Variants in AVL9 observed in about 807,000 individuals in gnomAD.
AVL9 encodes AVL9 cell migration associated, also known as late secretory pathway protein AVL9 homolog.
A neutral mutation model predicts 79.2 loss-of-function variants in AVL9; 49 were observed. That is an observed-to-expected ratio of 0.62 (90% confidence interval 0.49 to 0.79). The LOEUF is 0.79. AVL9 is among the 30% of genes least tolerant of loss of function. AVL9 has a pLI of 0.00. For missense variants in AVL9, 682 were observed against 776.8 expected (o/e 0.88, Z 1.45); for synonymous variants, 299 against 280.6 (o/e 1.07, Z -0.65).
At chr7:32,528,781 C>T (rs887162163) in intron 1 of AVL9, among the ~76,000 whole-genome samples, 15 of 152,100 alleles carry the variant, frequency 9.9e-5, no homozygotes, top group African/African-American at 3.1e-4. Context: ...GAGGCTGAGG[C>T]GGGCAGATCA....
At chr7:32,520,399 G>A (rs1035090655) in intron 1 of AVL9, among the ~76,000 whole-genome samples, 5 of 152,078 alleles carry the variant, frequency 3.3e-5, no homozygotes, top group African/African-American at 7.2e-5. Context: ...ATTGATGCAC[G>A]ACCCACAGCT....
At chr7:32,555,699 C>T (rs916053245) in intron 8 of AVL9, among the ~76,000 whole-genome samples, 1 of 152,188 alleles carries the variant, frequency 6.6e-6, no homozygotes, top group South Asian at 2.1e-4. Flanking sequence ...AGTTCACCAG[C>T]CTTTGGTTTA....
Position 32,572,409 on chromosome 7 carries a change from G to A in AVL9, c.1351-790G>A, listed in dbSNP as rs192628226. On this transcript the variant is annotated intron_variant, in intron 11 of 15. Transcript: ENST00000318709. ...TGGTTACATTCTAGTTCTGTAGTTG[G>A]TTGGTGGGTTCGTAGGAATTTCTTT... Among the ~76,000 whole-genome samples the A allele has an allele frequency of 1.4e-4, 21 of 150,968 alleles. No individual in the cohort carries two copies. The East Asian group carries it at 3.7e-3, about 26-fold the overall frequency.
At position 32,543,161 on chromosome 7, in the gene AVL9, C is replaced by T; in HGVS notation, c.114C>T (p.Pro38=). ...KGCQVEFSYP[P]LIPGDGHDSH... is the part of the protein sequence containing the mutation. ...TTTAGGTTGAATTCTCTTACCCGCC[C>T]CTGATTCCAGGAGATGGACATGACA... is the stretch of plus-strand genomic sequence containing the variant. The change falls in exon 2 of 16, where the codon CCC becomes CCT. Residue 38 remains proline, a synonymous_variant. Coordinates refer to ENST00000318709, the MANE Select transcript of AVL9 (RefSeq NM_015060.3). 1 of 1,614,098 alleles carries T rather than the reference C, an allele frequency of 6.2e-7. No homozygotes were observed. Among genetic ancestry groups the T allele is most frequent in the Non-Finnish European group, 8.5e-7 (1 of 1,180,022 alleles).
chr7:32,559,527 CT>C, intron 10 of AVL9, 63 bp downstream of exon 10: 1 of 1,480,618 alleles, frequency 6.8e-7, no homozygotes, highest in Non-Finnish European at 9.0e-7. Flanking sequence ...CGGAGTTTAA[CT>C]TTTGAACTTT....
intron 5 of AVL9, 135 bp from the exon 6 acceptor site, chr7:32,552,094 T>C (rs1789856201): frequency 3.3e-6 from 2 of 602,536 alleles, no homozygotes; most frequent in Admixed American, 5.9e-5. Flanking sequence ...GCAGAGAGGC[T>C]TGATTGTTTT....
chr7:32,503,341 T>G (rs1255819968), intron 1 of AVL9, among the ~76,000 whole-genome samples: 12 of 81,412 alleles, frequency 1.5e-4, no homozygotes, highest in South Asian at 5.3e-4. Flanking sequence ...TATCTATATA[T>G]ATAGATATAG....
intron 1 of AVL9, among the ~76,000 whole-genome samples, chr7:32,500,838 T>C (rs981781526): frequency 6.6e-6 from 1 of 152,216 alleles, no homozygotes; most frequent in African/African-American, 2.4e-5. Context: ...TTGCCTGTTT[T>C]CCCAGCACCA....
In AVL9 at chr7:32,548,844, T is replaced by C; in HGVS notation, c.301-3T>C. On this transcript the variant is annotated splice_polypyrimidine_tract_variant and splice_region_variant and intron_variant, in intron 3 of 15. Coordinates refer to ENST00000318709, the MANE Select transcript of AVL9 (RefSeq NM_015060.3). Reference sequence around the variant, plus strand: ...CTGATAAATTGCTCTTTGTTCATAATAGGCACTGAAAGTAAGGCAAGCAGA... The same window carrying C: ...CTGATAAATTGCTCTTTGTTCATAACAGGCACTGAAAGTAAGGCAAGCAGA... 1.9e-6 allele frequency: 3 copies of C among 1,558,102 alleles called. No homozygotes were observed. The highest frequency in any genetic ancestry group is 2.5e-5 in the South Asian group (2 of 78,716).
chr7:32,540,475 A>G (rs1037388880), intron 1 of AVL9, among the ~76,000 whole-genome samples: 1 of 152,178 alleles, frequency 6.6e-6, no homozygotes, highest in Non-Finnish European at 1.5e-5. Flanking sequence ...GAGCAAAGAA[A>G]TTCTTTCATT....
intron 1 of AVL9, among the ~76,000 whole-genome samples, chr7:32,497,753 A>G (rs1413281168): frequency 2.0e-5 from 3 of 149,612 alleles, no homozygotes; most frequent in African/African-American, 7.4e-5. Context: ...CTGGGTTCAC[A>G]CCATTCTCCT....
At position 32,530,815 on chromosome 7, in the gene AVL9, G is replaced by T. The variant is rs919637718; in HGVS notation, c.94-12326G>T. On this transcript the variant is annotated intron_variant, in intron 1 of 15. Coordinates refer to ENST00000318709, the MANE Select transcript of AVL9 (RefSeq NM_015060.3). ...ATAAAAATACATAAAAATTAGCTGG[G>T]CATGGTGGCATGTGCCTGTGGTCCT... Among the ~76,000 whole-genome samples, 10 of 152,098 alleles carry T rather than the reference G, an allele frequency of 6.6e-5. No individual in the cohort carries two copies. In the East Asian group the frequency reaches 7.7e-4, roughly 12 times the overall value.
At chr7:32,577,929 G>A (rs1791174205) in intron 13 of AVL9, among the ~76,000 whole-genome samples, 1 of 152,148 alleles carries the variant, frequency 6.6e-6, no homozygotes, top group Admixed American at 6.5e-5. Flanking sequence ...CTGACAAAAG[G>A]CAGATTAATA....
chr7:32,559,010 G>A lies in AVL9; in HGVS notation c.761G>A (p.Ser254Asn). Residue 254 changes from serine (S) to asparagine (N), a missense_variant, in exon 10 of 16, where the codon AGT becomes AAT. By Grantham distance (46) the Ser-to-Asn change is conservative. Transcript: ENST00000318709. ...SMSEDGGLQE[S>N]NPCADDFVSA... is the part of the protein sequence containing the mutation. ...TCTGAAGATGGTGGGCTTCAGGAAA[G>A]TAACCCATGTGCAGATGATTTTGTT... The A allele has an allele frequency of 2.5e-6, 4 of 1,613,992 alleles. No individual in the cohort carries two copies. The South Asian group carries it at 4.4e-5, about 18-fold the overall frequency.
At chr7:32,582,613 A>C (rs553522244) in intron 15 of AVL9, among the ~76,000 whole-genome samples, 1 of 152,336 alleles carries the variant, frequency 6.6e-6, no homozygotes, top group East Asian at 1.9e-4. Context: ...TAAATTCTAA[A>C]GCCAAATCTC....
chr7:32,581,286 T>C (rs1015522462), intron 15 of AVL9: 1 of 155,350 alleles, frequency 6.4e-6, no homozygotes, highest in Non-Finnish European at 1.4e-5. Flanking sequence ...AGTTGGTTTT[T>C]CAAAAAGATC....
intron 1 of AVL9, among the ~76,000 whole-genome samples, chr7:32,517,296 T>TC (rs1291649478): frequency 2.0e-5 from 3 of 151,396 alleles, no homozygotes; most frequent in African/African-American, 7.3e-5. Flanking sequence ...AATCTTTTTT[T>TC]CTTTTTCTTT....
chr7:32,496,438 AC>A (rs1346811464), intron 1 of AVL9, among the ~76,000 whole-genome samples: 4 of 152,292 alleles, frequency 2.6e-5, no homozygotes, highest in Non-Finnish European at 4.4e-5. Flanking sequence ...CTCCATATCA[AC>A]CGCAATAAGA....
intron 1 of AVL9, among the ~76,000 whole-genome samples, chr7:32,500,753 G>A (rs1457504543): frequency 6.6e-6 from 1 of 152,096 alleles, no homozygotes; most frequent in African/African-American, 2.4e-5. Context: ...GTTAGTTTAA[G>A]TCTTTAATCC....
Sources: gnomAD v4.1 joint callset for allele counts (sites outside exome capture counted in the v4.1 genomes callset) on GRCh38, gnomAD v4.1.1 for gene constraint, MANE v1.5 for transcripts, NCBI Gene and HGNC (gene_info 2026-07-23, HGNC 2026-07-21) for gene names.